The following AUH variants were observed in gnomAD, a reference collection of about 807,000 sequenced individuals.
The protein encoded by AUH is AU RNA binding methylglutaconyl-CoA hydratase, also known as methylglutaconyl-CoA hydratase, mitochondrial.
AUH carries 29 observed loss-of-function variants against 42.3 expected under a neutral mutation model. That is an observed-to-expected ratio of 0.69 (90% CI 0.51 to 0.93). AUH has a LOEUF of 0.93. Ranked by LOEUF, AUH falls within the 40% of genes least tolerant of loss-of-function variation. AUH has a pLI of 0.00. For missense variants in AUH, 452 were observed against 438.1 expected, an observed-to-expected ratio of 1.03 and a Z score of -0.28; for synonymous variants, 174 against 166.4, an observed-to-expected ratio of 1.05 and a Z score of -0.35.
chr9:91,282,488 G>A (rs4430195), intron 6 of AUH, among the ~76,000 whole-genome samples: 10,885 of 152,122 alleles, frequency 0.072, 673 homozygotes, highest in East Asian at 0.26. Context: ...ATCAGCACAT[G>A]ACTCAACAAA....
intron 6 of AUH, among the ~76,000 whole-genome samples, chr9:91,288,110 C>T (rs1449297376): frequency 1.3e-5 from 2 of 152,038 alleles, no homozygotes; most frequent in Non-Finnish European, 2.9e-5. Flanking sequence ...ATCTCAATCC[C>T]AGTGGTGTAC....
At chr9:91,303,180 G>A (rs761261082) in intron 4 of AUH, among the ~76,000 whole-genome samples, 7 of 152,158 alleles carry the variant, frequency 4.6e-5, no homozygotes, top group Non-Finnish European at 4.4e-5. Flanking sequence ...TGCAGCCTAC[G>A]ATAATTAGAC....
chr9:91,305,981 C>T (rs949032115), intron 4 of AUH, among the ~76,000 whole-genome samples: 1 of 152,176 alleles, frequency 6.6e-6, no homozygotes, highest in Non-Finnish European at 1.5e-5. Context: ...GGAAGCCCGA[C>T]AGCACACTGG....
chr9:91,231,507 C>G (rs1032913617), intron 6 of AUH, among the ~76,000 whole-genome samples: 2 of 152,226 alleles, frequency 1.3e-5, no homozygotes, highest in African/African-American at 4.8e-5. Context: ...GCAGAAATCA[C>G]CCGTCTTCTG....
rs184268659 is a variant in AUH, at chr9:91,216,585, A to G, written c.895-479T>C. On this transcript the variant is annotated intron_variant, in intron 8 of 9. Transcript: ENST00000375731. ...AATTTATGAAACTGTATTTACTGTTATACAGTATTGACTGTATAAAGTCAA... is the reference window on the plus strand; with the variant it reads ...AATTTATGAAACTGTATTTACTGTTGTACAGTATTGACTGTATAAAGTCAA... Among the ~76,000 whole-genome samples the G allele has an allele frequency of 2.9e-4, 44 of 152,350 alleles. No individual in the cohort carries two copies. The East Asian group carries it at 7.1e-3, about 25-fold the overall frequency.
intron 6 of AUH, among the ~76,000 whole-genome samples, chr9:91,229,574 T>C (rs1027065563): frequency 2.6e-5 from 4 of 151,424 alleles, no homozygotes; most frequent in Admixed American, 6.6e-5. Context: ...AATAGTGTTA[T>C]GTGTGAATTT....
At chr9:91,256,597 A>G (rs958015466) in intron 6 of AUH, among the ~76,000 whole-genome samples, 6 of 152,018 alleles carry the variant, frequency 3.9e-5, no homozygotes, top group African/African-American at 1.5e-4. Context: ...TGGGGGTAGG[A>G]GGGTGTCTAA....
At chr9:91,320,873 A>C (rs372823580) in intron 4 of AUH, among the ~76,000 whole-genome samples, 31 of 152,332 alleles carry the variant, frequency 2.0e-4, no homozygotes, top group African/African-American at 7.5e-4. Context: ...CAAATCACTA[A>C]AAAATTTTTA....
chr9:91,251,267 CTGAGCTCTTATCAAGACATGAAAA>C, intron 6 of AUH, among the ~76,000 whole-genome samples: 1 of 152,144 alleles, frequency 6.6e-6, no homozygotes, highest in Non-Finnish European at 1.5e-5. Context: ...GGTTGAGGTG[CTGAGCTCTTATCAAGACATGAAAA>C]TGAGCTCTTC....
chr9:91,327,123 A>G (rs1322861745), intron 3 of AUH, among the ~76,000 whole-genome samples: 2 of 152,138 alleles, frequency 1.3e-5, no homozygotes, highest in African/African-American at 4.8e-5. Context: ...CAGAAAAGAC[A>G]TTCTACCAGT....
At chr9:91,217,384 A>T in intron 7 of AUH, 57 bp from the exon 8 acceptor site, 3 of 1,543,378 alleles carry the variant, frequency 1.9e-6, no homozygotes, top group Non-Finnish European at 1.8e-6. Flanking sequence ...ATTATGTCGT[A>T]TATCTCAGTA....
intron 6 of AUH, among the ~76,000 whole-genome samples, chr9:91,225,799 G>A (rs964388113): frequency 4.0e-5 from 6 of 150,852 alleles, no homozygotes; most frequent in South Asian, 2.1e-4. Context: ...GAGAATATGC[G>A]GTGTTTGGTT....
chr9:91,214,824 G>A (rs1587607264), intron 9 of AUH, among the ~76,000 whole-genome samples: 1 of 152,156 alleles, frequency 6.6e-6, no homozygotes, highest in East Asian at 1.9e-4. Flanking sequence ...GAAGGATGTT[G>A]TTTAATCACC....
At chr9:91,342,038 C>T (rs756611003) in intron 3 of AUH, among the ~76,000 whole-genome samples, 20 of 152,116 alleles carry the variant, frequency 1.3e-4, no homozygotes, top group South Asian at 6.2e-4. Context: ...CCAGAGTAGG[C>T]GAGACCTGAC....
At chr9:91,348,758 C>T (rs1326131021) in intron 3 of AUH, among the ~76,000 whole-genome samples, 3 of 152,132 alleles carry the variant, frequency 2.0e-5, no homozygotes, top group African/African-American at 7.2e-5. Flanking sequence ...AGGGAAGGGG[C>T]TTGACTGCAA....
intron 3 of AUH, among the ~76,000 whole-genome samples, chr9:91,326,047 C>T (rs538228995): frequency 5.9e-5 from 9 of 152,238 alleles, no homozygotes; most frequent in Admixed American, 2.6e-4. Flanking sequence ...GAAAAATAAA[C>T]ACATGGAATT....
At chr9:91,311,202 G>C (rs1036459617) in intron 4 of AUH, among the ~76,000 whole-genome samples, 2 of 152,066 alleles carry the variant, frequency 1.3e-5, no homozygotes, top group Admixed American at 6.5e-5. Flanking sequence ...AACAGATCCA[G>C]AGACTGAAAA....
intron 6 of AUH, among the ~76,000 whole-genome samples, chr9:91,278,788 A>G (rs1825741364): frequency 6.6e-6 from 1 of 152,218 alleles, no homozygotes; most frequent in African/African-American, 2.4e-5. Flanking sequence ...AAGACACTGG[A>G]TAAGGCAACA....
chr9:91,236,915 C>T (rs1828217344), intron 6 of AUH, among the ~76,000 whole-genome samples: 1 of 152,086 alleles, frequency 6.6e-6, no homozygotes, highest in African/African-American at 2.4e-5. Flanking sequence ...AATTTCCCCA[C>T]AAATCGATAA....
Sources: gnomAD v4.1 joint callset for allele counts (sites outside exome capture counted in the v4.1 genomes callset) on GRCh38, gnomAD v4.1.1 for gene constraint, MANE v1.5 for transcripts, NCBI Gene and HGNC (gene_info 2026-07-23, HGNC 2026-07-21) for gene names.